The following WDPCP variants were observed in gnomAD, a reference collection of about 807,000 sequenced individuals.
The protein encoded by WDPCP is WD repeat containing planar cell polarity effector, also known as WD repeat-containing and planar cell polarity effector protein fritz homolog.
WDPCP carries 71 observed loss-of-function variants against 93.1 expected under a neutral mutation model. The observed-to-expected ratio is 0.76, with a 90% CI of 0.63 to 0.93. The LOEUF (loss-of-function observed/expected upper bound fraction) is 0.93. WDPCP is among the 40% of genes least tolerant of loss of function. The pLI is 0.00. For synonymous variants in WDPCP, 315 were observed against 315.0 expected, an observed-to-expected ratio of 1.00 and a Z score of 0.00; for missense variants, 844 against 887.4, an observed-to-expected ratio of 0.95 and a Z score of 0.62.
intron 3 of WDPCP, among the ~76,000 whole-genome samples, chr2:63,648,219 C>A (rs985753667): frequency 6.6e-6 from 1 of 152,138 alleles, no homozygotes; most frequent in Non-Finnish European, 1.5e-5. Context: ...ACTCTTATCC[C>A]CCTAAGTTTT....
chr2:63,491,014 G>A (rs1700842782), intron 2 of WDPCP, among the ~76,000 whole-genome samples: 1 of 152,186 alleles, frequency 6.6e-6, no homozygotes, highest in African/African-American at 2.4e-5. Context: ...ATTTTGACCA[G>A]CAGTAAAATA....
chr2:63,639,978 G>C (rs1709962973), intron 3 of WDPCP, among the ~76,000 whole-genome samples: 1 of 152,144 alleles, frequency 6.6e-6, no homozygotes, highest in Non-Finnish European at 1.5e-5. Context: ...TTATTCCAGA[G>C]AGATCAAGAT....
At chr2:63,693,326 G>T (rs1429713436) in intron 2 of WDPCP, among the ~76,000 whole-genome samples, 2 of 152,136 alleles carry the variant, frequency 1.3e-5, no homozygotes, top group Non-Finnish European at 2.9e-5. Flanking sequence ...CAGTGCAGAA[G>T]ATGGTATAAG....
chr2:63,293,909 C>A (rs1359101214), intron 13 of WDPCP, among the ~76,000 whole-genome samples: 1 of 151,962 alleles, frequency 6.6e-6, no homozygotes, highest in Non-Finnish European at 1.5e-5. Flanking sequence ...CATGGGAGCT[C>A]CAGAAGGAAA....
intron 14 of WDPCP, among the ~76,000 whole-genome samples, chr2:63,222,917 C>G (rs2104495773): frequency 6.6e-6 from 1 of 152,062 alleles, no homozygotes; most frequent in East Asian, 1.9e-4. Context: ...TAAAATTGAT[C>G]TTCTTTGAAA....
chr2:63,838,715 T>C, the WDPCP span, among the ~76,000 whole-genome samples: 1 of 152,242 alleles, frequency 6.6e-6, no homozygotes, highest in Non-Finnish European at 1.5e-5. Flanking sequence ...AAGATACACA[T>C]ACTTGCCCAG....
At chr2:63,787,760 C>G (rs1445722764) in intron 2 of WDPCP, among the ~76,000 whole-genome samples, 3 of 152,114 alleles carry the variant, frequency 2.0e-5, no homozygotes, top group African/African-American at 7.2e-5. Context: ...TGAGTCCAGA[C>G]CAGGCACAGT....
intron 9 of WDPCP, among the ~76,000 whole-genome samples, chr2:63,426,103 G>T (rs990989859): frequency 6.6e-6 from 1 of 152,200 alleles, no homozygotes; most frequent in Non-Finnish European, 1.5e-5. Context: ...ACTCTTGGGA[G>T]GCCGAGGCAG....
At chr2:63,220,652 T>C (rs536191141) in intron 14 of WDPCP, among the ~76,000 whole-genome samples, 6 of 152,204 alleles carry the variant, frequency 3.9e-5, no homozygotes, top group Non-Finnish European at 7.4e-5. Context: ...AAAGTTACTA[T>C]GCAGTGATGT....
intron 13 of WDPCP, among the ~76,000 whole-genome samples, chr2:63,288,340 G>GT (rs1684161393): frequency 6.6e-6 from 1 of 152,190 alleles, no homozygotes; most frequent in African/African-American, 2.4e-5. Context: ...TTATGGCACA[G>GT]TAATAATGAG....
At chr2:63,415,925 T>C (rs1695383385) in intron 9 of WDPCP, among the ~76,000 whole-genome samples, 1 of 152,200 alleles carries the variant, frequency 6.6e-6, no homozygotes, top group African/African-American at 2.4e-5. Flanking sequence ...CTCTGAATGG[T>C]TGAAAAAGTT....
At chr2:63,201,677 G>C (rs1402741337) in intron 14 of WDPCP, among the ~76,000 whole-genome samples, 1 of 152,074 alleles carries the variant, frequency 6.6e-6, no homozygotes, top group Admixed American at 6.5e-5. Context: ...TATTATTGTG[G>C]GGGGAGCACT....
intron 3 of WDPCP, among the ~76,000 whole-genome samples, chr2:63,629,803 T>C (rs1477305561): frequency 6.6e-6 from 1 of 152,232 alleles, no homozygotes; most frequent in Non-Finnish European, 1.5e-5. Flanking sequence ...CTTCCTGCCG[T>C]AGCACTGTCA....
At chr2:63,745,304 C>G (rs555292790) in intron 2 of WDPCP, among the ~76,000 whole-genome samples, 1 of 152,224 alleles carries the variant, frequency 6.6e-6, no homozygotes, top group South Asian at 2.1e-4. Flanking sequence ...AAACCTGAGT[C>G]AAAGAATGGC....
At chr2:63,819,958 G>A (rs1454774669) in intron 1 of WDPCP, among the ~76,000 whole-genome samples, 1 of 152,136 alleles carries the variant, frequency 6.6e-6, no homozygotes, top group Non-Finnish European at 1.5e-5. Flanking sequence ...TACTTCCAAG[G>A]GACTCTGGCA....
At chr2:63,405,702 G>C (rs1366611787) in intron 9 of WDPCP, among the ~76,000 whole-genome samples, 1 of 151,798 alleles carries the variant, frequency 6.6e-6, no homozygotes, top group East Asian at 1.9e-4. Flanking sequence ...GAAAGGAAAG[G>C]CTATCTACCA....
chr2:63,626,841 G>A (rs1380279281), intron 3 of WDPCP, among the ~76,000 whole-genome samples: 1 of 152,064 alleles, frequency 6.6e-6, no homozygotes, highest in Admixed American at 6.5e-5. Flanking sequence ...GCAAGGATAG[G>A]GGAGGGATAC....
chr2:63,376,447 G>C (rs1691860169), intron 12 of WDPCP, among the ~76,000 whole-genome samples: 1 of 151,890 alleles, frequency 6.6e-6, no homozygotes, highest in South Asian at 2.1e-4. Context: ...GTAGAATAGA[G>C]CATCCTAGAG....
chr2:63,694,940 TAA>T (rs1241037516), intron 2 of WDPCP, among the ~76,000 whole-genome samples: 1 of 152,116 alleles, frequency 6.6e-6, no homozygotes, highest in East Asian at 1.9e-4. Context: ...GGCCAAGTTC[TAA>T]AAGAGAGTGA....
Sources: allele counts gnomAD v4.1 joint callset (sites outside exome capture counted in the v4.1 genomes callset), GRCh38; gene constraint gnomAD v4.1.1; transcripts MANE v1.5; gene names NCBI Gene and HGNC (gene_info 2026-07-23, HGNC 2026-07-21).